The following DDX10 variants were observed in gnomAD, a reference collection of about 807,000 sequenced individuals.
DDX10 encodes probable ATP-dependent RNA helicase DDX10.
In DDX10, 74 loss-of-function variants were observed where a neutral mutation model predicts 104.3. The observed-to-expected ratio is 0.71, with a 90% CI of 0.59 to 0.86. The LOEUF (loss-of-function observed/expected upper bound fraction) is 0.86. Among genes scored for constraint, DDX10 ranks in the 40% least tolerant of loss-of-function variants. The probability of loss-of-function intolerance (pLI) is 0.00; values close to 1 mark genes in which losing one functional copy is unlikely to be tolerated. For synonymous variants in DDX10, 351 were observed against 353.4 expected (o/e 0.99, Z 0.08); for missense variants, 952 against 1,040.0 (o/e 0.92, Z 1.16).
intron 16 of DDX10, among the ~76,000 whole-genome samples, chr11:108,866,690 G>C (rs1487054687): frequency 1.3e-5 from 2 of 152,106 alleles, no homozygotes; most frequent in Non-Finnish European, 2.9e-5. Flanking sequence ...TTGAACTATT[G>C]CATACCATAT....
chr11:108,682,294 G>T (rs1303432864), intron 6 of DDX10, among the ~76,000 whole-genome samples: 1 of 151,966 alleles, frequency 6.6e-6, no homozygotes, highest in Non-Finnish European at 1.5e-5. Flanking sequence ...GAGTAAAGAC[G>T]GGGTTTCACC....
At chr11:108,786,843 C>T (rs1591817986) in intron 13 of DDX10, among the ~76,000 whole-genome samples, 1 of 152,282 alleles carries the variant, frequency 6.6e-6, no homozygotes, top group East Asian at 1.9e-4. Context: ...AGAACATTTA[C>T]ATTCAGGATT....
At chr11:108,822,309 A>G in intron 13 of DDX10, 1 of 298,658 alleles carries the variant, frequency 3.3e-6, no homozygotes, top group Non-Finnish European at 6.5e-6. Flanking sequence ...TCTGTTTTGT[A>G]ATAAATAAGG....
At chr11:108,761,342 G>T (rs2094350622) in intron 13 of DDX10, among the ~76,000 whole-genome samples, 1 of 152,154 alleles carries the variant, frequency 6.6e-6, no homozygotes, top group African/African-American at 2.4e-5. Context: ...AACAGTAGTA[G>T]TCTAGAGGCA....
At position 108,706,797 on chromosome 11, in the gene DDX10, C is replaced by A. The variant is rs753096834; in HGVS notation, c.1282C>A (p.Gln428Lys). ...GCTACCCTCAGAAAAAGCTATGGTG[C>A]AGCAGCTTCTTCAGAAGAAAGTACC... ...ILLPSEKAMV[Q>K]QLLQKKVPVK... The change falls in exon 10 of 18, where the codon CAG (glutamine) becomes AAG (lysine). Residue 428 changes from glutamine (Q) to lysine (K), a missense_variant. Physicochemically the swap from Gln to Lys is moderately conservative, Grantham distance 53. Coordinates refer to ENST00000322536, the MANE Select transcript of DDX10 (RefSeq NM_004398.4). 5.0e-6 allele frequency: 8 copies of A among 1,613,866 alleles called. No homozygotes were observed. The Admixed American group carries it at 1.3e-4, about 27-fold the overall frequency.
intron 13 of DDX10, among the ~76,000 whole-genome samples, chr11:108,748,822 A>G (rs1243230716): frequency 3.3e-5 from 5 of 152,080 alleles, no homozygotes; most frequent in African/African-American, 1.2e-4. Flanking sequence ...CTGGGACTAT[A>G]GGTACACACT....
chr11:108,793,218 G>A (rs1050667133), intron 13 of DDX10, among the ~76,000 whole-genome samples: 2 of 152,152 alleles, frequency 1.3e-5, no homozygotes, highest in Non-Finnish European at 2.9e-5. Context: ...CACAGAACCT[G>A]GGAGTGCAAA....
intron 16 of DDX10, among the ~76,000 whole-genome samples, chr11:108,853,737 C>T (rs939019257): frequency 1.3e-5 from 2 of 152,094 alleles, no homozygotes; most frequent in Non-Finnish European, 1.5e-5. Context: ...GAAGTGAACT[C>T]CTTATGCCAA....
chr11:108,870,959 T>C (rs907047915), intron 16 of DDX10, among the ~76,000 whole-genome samples: 3 of 152,200 alleles, frequency 2.0e-5, no homozygotes, highest in African/African-American at 4.8e-5. Flanking sequence ...TGAAGAATTA[T>C]AGCATATTGT....
chr11:108,779,184 T>G (rs1703604162), intron 13 of DDX10, among the ~76,000 whole-genome samples: 1 of 152,212 alleles, frequency 6.6e-6, no homozygotes, highest in African/African-American at 2.4e-5. Context: ...ATCCCACTAC[T>G]GGGCATATAC....
intron 13 of DDX10, among the ~76,000 whole-genome samples, chr11:108,782,707 C>T (rs1458377731): frequency 1.3e-5 from 2 of 151,952 alleles, no homozygotes; most frequent in Non-Finnish European, 2.9e-5. Flanking sequence ...GCAGTGTCTA[C>T]CAAATGACTA....
chr11:108,834,590 G>C (rs1862522511), intron 13 of DDX10, among the ~76,000 whole-genome samples: 1 of 152,046 alleles, frequency 6.6e-6, no homozygotes, highest in Non-Finnish European at 1.5e-5. Flanking sequence ...ACTGGTTTAT[G>C]TGATTATAAT....
rs549563400 is a variant in DDX10 at position 108,763,907 on chromosome 11, C to G, written c.1965+40445C>G. ...TCAAAGGGAATATGCTGTGTTCTAA[C>G]AGGTTTCAAATTACTTACAGAAAAT... On this transcript the variant is annotated intron_variant, in intron 13 of 17. Transcript: ENST00000322536. Among the ~76,000 whole-genome samples the G allele has an allele frequency of 3.9e-5, 6 of 152,224 alleles. No homozygotes were observed. The East Asian group carries it at 1.2e-3, about 29-fold the overall frequency.
At chr11:108,851,438 T>G (rs1030004827) in intron 15 of DDX10, among the ~76,000 whole-genome samples, 5 of 152,302 alleles carry the variant, frequency 3.3e-5, no homozygotes, top group Middle Eastern at 6.8e-3. Flanking sequence ...TGCCATCCAT[T>G]AACTTATTTT....
chr11:108,676,197 T>C (rs1201293783), intron 3 of DDX10, among the ~76,000 whole-genome samples: 1 of 152,234 alleles, frequency 6.6e-6, no homozygotes. Context: ...TATCGGTCTT[T>C]TATGGCAGCA....
chr11:108,694,953 A>G (rs2094257712), intron 9 of DDX10, among the ~76,000 whole-genome samples: 1 of 152,092 alleles, frequency 6.6e-6, no homozygotes, highest in Admixed American at 6.5e-5. Context: ...TGGCATAGAA[A>G]GGTATATGAA....
At chr11:108,856,858 C>T (rs1004392667) in intron 16 of DDX10, among the ~76,000 whole-genome samples, 2 of 150,938 alleles carry the variant, frequency 1.3e-5, no homozygotes, top group Non-Finnish European at 2.9e-5. Flanking sequence ...CTCCACCCCC[C>T]ACCACCCCCG....
At chr11:108,806,384 G>A (rs1862101138) in intron 13 of DDX10, among the ~76,000 whole-genome samples, 1 of 152,168 alleles carries the variant, frequency 6.6e-6, no homozygotes, top group Admixed American at 6.5e-5. Context: ...AGTGTGGTGT[G>A]TATGGCGAAC....
chr11:108,863,958 C>T (rs762455676), intron 16 of DDX10, among the ~76,000 whole-genome samples: 4 of 151,328 alleles, frequency 2.6e-5, no homozygotes, highest in African/African-American at 4.9e-5. Flanking sequence ...TTGAAAAATA[C>T]GAGGTCCAAA....
Sources: gnomAD v4.1 joint callset for allele counts (sites outside exome capture counted in the v4.1 genomes callset) on GRCh38, gnomAD v4.1.1 for gene constraint, MANE v1.5 for transcripts, NCBI Gene and HGNC (gene_info 2026-07-23, HGNC 2026-07-21) for gene names.